Variants in BRWD1 observed in about 807,000 individuals in gnomAD.
BRWD1 encodes the protein bromodomain and WD repeat-containing protein 1.
BRWD1 carries 82 observed loss-of-function variants against 251.2 expected under a neutral mutation model. The ratio of observed to expected loss-of-function variants is 0.33; its 90% CI spans 0.27 to 0.39. The LOEUF is 0.39. Ranked by LOEUF, BRWD1 falls within the 10% of genes least tolerant of loss-of-function variation. BRWD1 has a pLI of 1.00. For missense variants in BRWD1, 2,233 were observed against 2,711.6 expected (o/e 0.82, Z 3.92); for synonymous variants, 918 against 902.8 (o/e 1.02, Z -0.30).
Position 39,293,892 on chromosome 21 carries a change from T to G in BRWD1, c.750A>C (p.Lys250Asn). 2 of 1,614,146 alleles carry G rather than the reference T, an allele frequency of 1.2e-6. No homozygotes were observed. Among genetic ancestry groups the G allele is most frequent in the Non-Finnish European group, 1.7e-6 (2 of 1,180,032 alleles). Reference sequence around the variant, plus strand: ...TTCTCAAGCACCACACTCTAATAATTTTATCACAGCTCCCCGCAGCAATCA... The same window carrying G: ...TTCTCAAGCACCACACTCTAATAATGTTATCACAGCTCCCCGCAGCAATCA... ...NTMIAAGSCD[K>N]IIRVWCLRTC... Residue 250 changes from lysine to asparagine, a missense_variant, in exon 8 of 41, where the codon AAA becomes AAC. By Grantham distance (94) the Lys-to-Asn change is moderately conservative (BLOSUM62 0). Coordinates refer to ENST00000342449, the MANE Select transcript of BRWD1 (RefSeq NM_033656.4).
rs928990154 is a variant in BRWD1, at chr21:39,186,505, G to C, written c.*9754C>G. On this transcript the variant is annotated 3_prime_UTR_variant, in exon 41 of 41. Transcript: ENST00000342449. ...TTGGGGATGTGAATTGTAGGGAATGGATCTGGGTAGTTTTTGCTTCACTCA... is the reference window on the plus strand; with the variant it reads ...TTGGGGATGTGAATTGTAGGGAATGCATCTGGGTAGTTTTTGCTTCACTCA... The C allele has an allele frequency of 6.6e-6, 1 of 152,166 alleles. No homozygotes were observed. Among genetic ancestry groups the C allele is most frequent in the East Asian group, 1.9e-4 (1 of 5,188 alleles). The allele number at this position is 152,166 out of a possible 1,614,324, so 9.4% of individuals were successfully genotyped here. A position where few individuals can be genotyped will look rare whatever the true frequency, so the allele number is the denominator to read the frequency against.
rs2031744005 is a variant in BRWD1, at chr21:39,195,149, A to G, written c.*1110T>C. The stretch of plus-strand genomic sequence containing the variant: ...TTTGGACTAGAAGTCACTAATAAAG[A>G]TACATTTAGTTGCCCCAGCAAAGAA... On this transcript the variant is annotated 3_prime_UTR_variant, in exon 41 of 41. Transcript: ENST00000342449. 1.8e-6 allele frequency: 2 copies of G among 1,096,938 alleles called. No individual in the cohort carries two copies. The highest frequency in any genetic ancestry group is 5.8e-5 in the South Asian group (2 of 34,764). The allele number at this position is 1,096,938 out of a possible 1,614,324, so 68.0% of individuals were successfully genotyped here. A position where few individuals can be genotyped will look rare whatever the true frequency, so the allele number is the denominator to read the frequency against.
At chr21:39,234,493 C>T (rs1205596904) in intron 23 of BRWD1, among the ~76,000 whole-genome samples, 2 of 152,236 alleles carry the variant, frequency 1.3e-5, no homozygotes, top group East Asian at 1.9e-4. Context: ...TATTCGAGTC[C>T]AAGACTTAAG....
At chr21:39,206,871 G>A (rs980813555) in intron 36 of BRWD1, among the ~76,000 whole-genome samples, 2 of 152,204 alleles carry the variant, frequency 1.3e-5, no homozygotes, top group African/African-American at 4.8e-5. Context: ...ATACAGCTAT[G>A]TATGTACAGA....
intron 29 of BRWD1, among the ~76,000 whole-genome samples, chr21:39,221,900 CAA>C (rs541461821): frequency 1.6e-5 from 2 of 124,834 alleles, no homozygotes. Context: ...GAGACTGTCT[CAA>C]AAAAAAAAAG....
intron 17 of BRWD1, among the ~76,000 whole-genome samples, chr21:39,262,998 C>T (rs1261875856): frequency 6.6e-6 from 1 of 152,012 alleles, no homozygotes; most frequent in Non-Finnish European, 1.5e-5. Flanking sequence ...CGCCTACAGT[C>T]CCAGCTACTC....
At chr21:39,229,143 A>G (rs1483913458) in intron 26 of BRWD1, among the ~76,000 whole-genome samples, 169 bp downstream of exon 26, 1 of 152,212 alleles carries the variant, frequency 6.6e-6, no homozygotes, top group Non-Finnish European at 1.5e-5. Context: ...CTATGACTTC[A>G]GGGTCAGGGA....
At position 39,198,683 on chromosome 21, in the gene BRWD1, C is replaced by T. The variant is rs952722010; in HGVS notation, c.5653+80G>A. On this transcript the variant is annotated intron_variant, in intron 40 of 40. Coordinates refer to ENST00000342449, the MANE Select transcript of BRWD1 (RefSeq NM_033656.4). The stretch of plus-strand genomic sequence containing the variant: ...AAAAAAGTTTCAAGGGAAACTTTTT[C>T]GGGGGGAAAAAACCAATGTGTGTAA... 1.0e-5 allele frequency: 13 copies of T among 1,296,532 alleles called. No individual in the cohort carries two copies. The African/African-American group carries it at 1.4e-4, about 13-fold the overall frequency. 80.3% of individuals were successfully genotyped at this position (1,296,532 alleles called of 1,614,324 possible).
At position 39,187,798 on chromosome 21, in the gene BRWD1, T is replaced by C; in HGVS notation, c.*8461A>G. ...AGGTATGTGACACACGAGATTCAGATTAAAATTCTAAAAAATAACACAGAG... is the reference window on the plus strand; with the variant it reads ...AGGTATGTGACACACGAGATTCAGACTAAAATTCTAAAAAATAACACAGAG... On this transcript the variant is annotated 3_prime_UTR_variant, in exon 41 of 41. Coordinates refer to ENST00000342449, the MANE Select transcript of BRWD1 (RefSeq NM_033656.4). 1.0e-6 allele frequency: 1 copy of C among 985,238 alleles called. No individual in the cohort carries two copies. Among genetic ancestry groups the C allele is most frequent in the Non-Finnish European group, 1.2e-6 (1 of 829,864 alleles). The allele number at this position is 985,238 out of a possible 1,614,324, so 61.0% of individuals were successfully genotyped here.
chr21:39,255,496 C>T, intron 19 of BRWD1, 149 bp downstream of exon 19: 1 of 652,488 alleles, frequency 1.5e-6, no homozygotes, highest in African/African-American at 1.8e-5. Context: ...TGACATTTTC[C>T]TACCACAATT....
At position 39,250,853 on chromosome 21, in the gene BRWD1, C is replaced by T. The variant is rs1257674888; in HGVS notation, c.2292G>A (p.Glu764=). ...LEDFRLEKGE[E]ERNLYIIGRK... ...TTCCTATTATATAAAGATTTCTTTC[C>T]TCTTCACCTTTCTCTAATCGGAAGT... The change falls in exon 20 of 41, where the codon GAG becomes GAA. Residue 764 remains glutamate, a synonymous_variant. Transcript: ENST00000342449. The T allele has an allele frequency of 6.2e-6, 10 of 1,600,996 alleles. No individual in the cohort carries two copies. The South Asian group carries it at 6.8e-5, about 11-fold the overall frequency.
At chr21:39,313,220 C>T (rs1422217573) in intron 2 of BRWD1, 21 bp downstream of exon 2, 2 of 1,524,524 alleles carry the variant, frequency 1.3e-6, no homozygotes, top group Non-Finnish European at 1.8e-6. Flanking sequence ...AGTCCGCAGC[C>T]GCCCGCGGGC....
At chr21:39,257,009 A>G (rs559978725) in intron 18 of BRWD1, among the ~76,000 whole-genome samples, 2 of 152,322 alleles carry the variant, frequency 1.3e-5, no homozygotes, top group South Asian at 4.1e-4. Context: ...TTGAAGAAAC[A>G]TTTTTGAACT....
At chr21:39,312,116 AAAGC>A (rs2036505128) in intron 4 of BRWD1, among the ~76,000 whole-genome samples, 1 of 152,352 alleles carries the variant, frequency 6.6e-6, no homozygotes, top group South Asian at 2.1e-4. Flanking sequence ...ACTATAGATA[AAAGC>A]AAGTTATATA....
chr21:39,313,450 G>T lies in BRWD1; in HGVS notation c.42C>A (p.Ile14=). 1 of 1,357,406 alleles carries T rather than the reference G, an allele frequency of 7.4e-7. No individual in the cohort carries two copies. The highest frequency in any genetic ancestry group is 9.4e-7 in the Non-Finnish European group (1 of 1,058,882). The allele number at this position is 1,357,406 out of a possible 1,614,324, so 84.1% of individuals were successfully genotyped here. The change falls in exon 1 of 41, where the codon ATC becomes ATA. Residue 14 remains isoleucine (I), a synonymous_variant. Coordinates refer to ENST00000342449, the MANE Select transcript of BRWD1 (RefSeq NM_033656.4). ...CACGGCCTCGCGTCTTACCCGACTC[G>T]ATGAGAGGCACCGGGCGTCGGGCGG... ...PSSARRPVPL[I]ESELYFLIAR...
intron 15 of BRWD1, among the ~76,000 whole-genome samples, chr21:39,265,485 C>CA (rs147543004): frequency 0.3 from 45,961 of 151,908 alleles, 7,421 homozygotes; most frequent in Middle Eastern, 0.36. Context: ...ATCACTATTC[C>CA]AAAAAAATAA....
At position 39,186,908 on chromosome 21, in the gene BRWD1, G is replaced by A. The variant is rs2031266955; in HGVS notation, c.*9351C>T. 1.4e-6 allele frequency: 2 copies of A among 1,473,672 alleles called. No homozygotes were observed. The highest frequency in any genetic ancestry group is 5.2e-4 in the Middle Eastern group (2 of 3,882). 91.3% of individuals were successfully genotyped at this position (1,473,672 alleles called of 1,614,324 possible). A position where few individuals can be genotyped will look rare whatever the true frequency, so the allele number is the denominator to read the frequency against. On this transcript the variant is annotated 3_prime_UTR_variant, in exon 41 of 41. Transcript: ENST00000342449. ...GGAACCCACTGGATTATGGCTTTTAGAAAATTCCTCCAAAGATGCCAATAA... is the reference window on the plus strand; with the variant it reads ...GGAACCCACTGGATTATGGCTTTTAAAAAATTCCTCCAAAGATGCCAATAA...
At chr21:39,296,218 A>G in intron 6 of BRWD1, 47 bp downstream of exon 6, 2 of 1,457,098 alleles carry the variant, frequency 1.4e-6, no homozygotes, top group Non-Finnish European at 1.9e-6. Context: ...TTGTTGAGAA[A>G]TTTAAAAACA....
chr21:39,247,076 CAAAA>C (rs542391369), intron 21 of BRWD1, among the ~76,000 whole-genome samples: 1 of 101,892 alleles, frequency 9.8e-6, no homozygotes, highest in Non-Finnish European at 2.0e-5. Context: ...GACTCCGTCT[CAAAA>C]AAAAAAAAAG....
Sources: allele counts gnomAD v4.1 joint callset (sites outside exome capture counted in the v4.1 genomes callset), GRCh38; gene constraint gnomAD v4.1.1; transcripts MANE v1.5; gene names NCBI Gene and HGNC (gene_info 2026-07-23, HGNC 2026-07-21).